Variants in MYBPC1 observed in about 807,000 individuals in gnomAD.
The protein encoded by MYBPC1 is myosin binding protein C1.
A neutral mutation model predicts 147.1 loss-of-function variants in MYBPC1; 52 were observed. That is an observed-to-expected ratio of 0.35 (90% CI 0.28 to 0.45). The LOEUF is 0.45. Among genes scored for constraint, MYBPC1 ranks in the 20% least tolerant of loss-of-function variants. The probability of loss-of-function intolerance (pLI) is 1.00; values close to 1 mark genes in which losing one functional copy is unlikely to be tolerated. For missense variants in MYBPC1, 1,228 were observed against 1,440.3 expected (o/e 0.85, Z 2.39); for synonymous variants, 477 against 475.9 (o/e 1.00, Z -0.03).
downstream of MYBPC1, among the ~76,000 whole-genome samples, chr12:101,686,353 T>C (rs1475563999): frequency 6.6e-6 from 1 of 152,306 alleles, no homozygotes; most frequent in East Asian, 1.9e-4. Context: ...TCCCTGTGTC[T>C]CTAGCAAGGC....
Position 101,644,326 on chromosome 12 carries a change from C to T in MYBPC1, c.833-338C>T, listed in dbSNP as rs111950973. On this transcript the variant is annotated intron_variant, in intron 11 of 31. Transcript: ENST00000361466. ...TGCTGGGATTACAGGAGTGAGCCACCGTGCCCAGCCCCAGCGTGTTTTTAA... is the reference window on the plus strand; with the variant it reads ...TGCTGGGATTACAGGAGTGAGCCACTGTGCCCAGCCCCAGCGTGTTTTTAA... Among the ~76,000 whole-genome samples the T allele has an allele frequency of 4.8e-3, 738 of 152,272 alleles. 3 individuals carry two copies. The highest frequency in any genetic ancestry group is 8.6e-3 in the African/African-American group (357 of 41,556).
intron 10 of MYBPC1, among the ~76,000 whole-genome samples, chr12:101,639,180 T>C (rs1414402391): frequency 6.6e-6 from 1 of 152,214 alleles, no homozygotes; most frequent in African/African-American, 2.4e-5. Flanking sequence ...TACTTGTAAG[T>C]TGTACTCTAC....
At position 101,685,811 on chromosome 12, in the gene MYBPC1, G is replaced by GAAA. The variant is rs11417395; in HGVS notation, c.*263_*265dup. 398 of 358,976 alleles carry GAAA rather than the reference G, an allele frequency of 1.1e-3. No individual in the cohort carries two copies. Among genetic ancestry groups the GAAA allele is most frequent in the East Asian group, 7.6e-3 (130 of 17,172 alleles). The allele number at this position is 358,976 out of a possible 1,614,324, so 22.2% of individuals were successfully genotyped here. On this transcript the variant is annotated 3_prime_UTR_variant, in exon 32 of 32. Coordinates refer to ENST00000361466, the MANE Select transcript of MYBPC1 (RefSeq NM_002465.4). Reference sequence around the variant, plus strand: ...TTTTCTTTCCTCCTAATGTTGAAGAGAAAAAAAAAAAAAAAAGTTTGCCCA... The same window carrying GAAA: ...TTTTCTTTCCTCCTAATGTTGAAGAGAAAAAAAAAAAAAAAAAAAGTTTGCCCA...
chr12:101,692,803 G>A, the MYBPC1 span, among the ~76,000 whole-genome samples: 1 of 152,070 alleles, frequency 6.6e-6, no homozygotes, highest in Admixed American at 6.6e-5. Flanking sequence ...TGTTAGAGTG[G>A]GGTAAGGTAG....
At chr12:101,632,375 C>T (rs1354950377) in intron 8 of MYBPC1, among the ~76,000 whole-genome samples, 1 of 152,120 alleles carries the variant, frequency 6.6e-6, no homozygotes, top group Non-Finnish European at 1.5e-5. Flanking sequence ...TATCTATATT[C>T]TTTCAATCTC....
At chr12:101,619,965 A>G (rs2135903315) in intron 3 of MYBPC1, among the ~76,000 whole-genome samples, 1 of 152,350 alleles carries the variant, frequency 6.6e-6, no homozygotes, top group South Asian at 2.1e-4. Context: ...ATTTGTGATT[A>G]GATTTGCCAA....
intron 20 of MYBPC1, among the ~76,000 whole-genome samples, chr12:101,661,848 G>A (rs1896601688): frequency 7.3e-6 from 1 of 136,296 alleles, no homozygotes; most frequent in African/African-American, 2.8e-5. Context: ...AGTGAGCCAA[G>A]ATCACACCAC....
chr12:101,614,184 T>C (rs946197915), intron 1 of MYBPC1, among the ~76,000 whole-genome samples: 3 of 152,176 alleles, frequency 2.0e-5, no homozygotes, highest in African/African-American at 7.2e-5. Flanking sequence ...GATAACTAAG[T>C]GGCAAGGACA....
At chr12:101,679,111 T>C (rs1950758541) in intron 28 of MYBPC1, among the ~76,000 whole-genome samples, 1 of 147,568 alleles carries the variant, frequency 6.8e-6, no homozygotes, top group Non-Finnish European at 1.5e-5. Flanking sequence ...ATAGCACCAC[T>C]GCACTCTAGT....
chr12:101,614,950 C>G, intron 2 of MYBPC1: 1 of 266,814 alleles, frequency 3.7e-6, no homozygotes. Context: ...GGAAGATCAG[C>G]TGTCCCTTCT....
chr12:101,642,679 C>T, intron 11 of MYBPC1, 94 bp downstream of exon 11: 1 of 1,431,808 alleles, frequency 7.0e-7, no homozygotes, highest in Admixed American at 2.0e-5. Flanking sequence ...TTCCAGTCTC[C>T]CGCGGGGTTG....
chr12:101,625,238 C>T (rs915932516), intron 3 of MYBPC1, among the ~76,000 whole-genome samples: 7 of 151,286 alleles, frequency 4.6e-5, no homozygotes, highest in African/African-American at 1.2e-4. Flanking sequence ...CAGGTGCATT[C>T]ATAATAGCTG....
At chr12:101,602,888 G>T (rs758676904) in intron 1 of MYBPC1, among the ~76,000 whole-genome samples, 3 of 152,208 alleles carry the variant, frequency 2.0e-5, no homozygotes, top group Non-Finnish European at 4.4e-5. Context: ...CAATTCGGGG[G>T]TCTGTAGTTG....
chr12:101,681,342 C>T (rs1265886771), intron 29 of MYBPC1, among the ~76,000 whole-genome samples: 1 of 151,664 alleles, frequency 6.6e-6, no homozygotes, highest in East Asian at 1.9e-4. Flanking sequence ...TGTTTTCTCT[C>T]ATTCTTAACT....
At chr12:101,606,770 A>G (rs1882359443) in intron 1 of MYBPC1, among the ~76,000 whole-genome samples, 2 of 152,128 alleles carry the variant, frequency 1.3e-5, no homozygotes, top group Admixed American at 6.6e-5. Context: ...TACATAAGCA[A>G]TTTGGCCAAT....
At chr12:101,670,292 C>T in intron 23 of MYBPC1, 29 bp from the exon 24 acceptor site, 1 of 1,587,178 alleles carries the variant, frequency 6.3e-7, no homozygotes, top group Non-Finnish European at 8.7e-7. Context: ...AGACTGATTG[C>T]AAAATTGTGC....
chr12:101,624,968 T>C (rs997835500), intron 3 of MYBPC1, among the ~76,000 whole-genome samples: 5 of 152,032 alleles, frequency 3.3e-5, no homozygotes, highest in African/African-American at 7.3e-5. Context: ...CTTCTCATGA[T>C]GAATGTTTCT....
chr12:101,644,083 G>A (rs1466452867), intron 11 of MYBPC1, among the ~76,000 whole-genome samples: 1 of 152,066 alleles, frequency 6.6e-6, no homozygotes, highest in African/African-American at 2.4e-5. Flanking sequence ...CACCCAGGCT[G>A]GAGTGTGCAG....
At chr12:101,611,797 G>T (rs1304078696) in intron 1 of MYBPC1, among the ~76,000 whole-genome samples, 1 of 152,188 alleles carries the variant, frequency 6.6e-6, no homozygotes, top group Non-Finnish European at 1.5e-5. Flanking sequence ...AATCAGCTCT[G>T]GCCGGGCACA....
Sources: allele counts gnomAD v4.1 joint callset (sites outside exome capture counted in the v4.1 genomes callset), GRCh38; gene constraint gnomAD v4.1.1; transcripts MANE v1.5; gene names NCBI Gene and HGNC (gene_info 2026-07-23, HGNC 2026-07-21).